FNBP1: variants seen among roughly 807,000 people sequenced by gnomAD.
FNBP1 encodes the protein formin binding protein 1.
FNBP1 carries 26 observed loss-of-function variants against 90.6 expected under a neutral mutation model. That is an observed-to-expected ratio of 0.29 (90% confidence interval 0.21 to 0.40). The LOEUF is 0.40. FNBP1 is among the 10% of genes least tolerant of loss of function. FNBP1 has a pLI of 1.00. For synonymous variants in FNBP1, 260 were observed against 265.2 expected (o/e 0.98, Z 0.19); for missense variants, 635 against 768.0 (o/e 0.83, Z 2.05).
At chr9:130,003,523 C>T (rs1385011962) in intron 1 of FNBP1, among the ~76,000 whole-genome samples, 1 of 151,990 alleles carries the variant, frequency 6.6e-6, no homozygotes, top group Admixed American at 6.6e-5. Flanking sequence ...AGGAGAATAA[C>T]TTCAACCTGG....
rs982649137 is a variant in FNBP1, at chr9:129,888,614, C to T, written c.*1925G>A. The T allele has an allele frequency of 1.6e-4, 37 of 232,800 alleles. No homozygotes were observed. In the Middle Eastern group the frequency reaches 6.3e-3, roughly 39 times the overall value. 14.4% of individuals were successfully genotyped at this position (232,800 alleles called of 1,614,324 possible). On this transcript the variant is annotated 3_prime_UTR_variant, in exon 17 of 17. Transcript: ENST00000446176. ...ACCCTGAGCGGTTTGCAGTCCCCCC[C>T]GGGGAAGAAGCAGTCAGAGAGGCTC...
chr9:130,007,239 C>A (rs1182708104), intron 1 of FNBP1, among the ~76,000 whole-genome samples: 449 of 77,004 alleles, frequency 5.8e-3, no homozygotes, highest in Middle Eastern at 9.8e-3. Flanking sequence ...GAGATCCTGT[C>A]AAAAAAAAAA....
chr9:129,965,788 GGGAGGGAGGGGGGAA>G (rs756681047), intron 4 of FNBP1, among the ~76,000 whole-genome samples: 6,786 of 134,624 alleles, frequency 0.05, 276 homozygotes, highest in Admixed American at 0.092. Flanking sequence ...GAGGGAAGGA[GGGAGGGAGGGGGGAA>G]GGAGGGAGGG....
At chr9:130,029,928 G>A (rs1270593109) in intron 1 of FNBP1, among the ~76,000 whole-genome samples, 1 of 152,050 alleles carries the variant, frequency 6.6e-6, no homozygotes, top group Admixed American at 6.6e-5. Context: ...AGGTTGCAGT[G>A]AGCCTTGATT....
At chr9:129,998,900 A>G (rs1202029831) in intron 1 of FNBP1, among the ~76,000 whole-genome samples, 1 of 152,194 alleles carries the variant, frequency 6.6e-6, no homozygotes, top group Admixed American at 6.5e-5. Flanking sequence ...CAGAGCCCAA[A>G]TAAGATAGAA....
chr9:129,887,521 C>T lies in FNBP1; in HGVS notation c.*3018G>A. 1 of 207,482 alleles carries T rather than the reference C, an allele frequency of 4.8e-6. No homozygotes were observed. The highest frequency in any genetic ancestry group is 2.3e-5 in the African/African-American group (1 of 43,946). The allele number at this position is 207,482 out of a possible 1,614,324, so 12.9% of individuals were successfully genotyped here. ...CTGGAAAAACACTTAGCATGAACGT[C>T]ACTTTTTGACGTCGTGTAAACTTTC... On this transcript the variant is annotated 3_prime_UTR_variant, in exon 17 of 17. Coordinates refer to ENST00000446176, the MANE Select transcript of FNBP1 (RefSeq NM_015033.3).
chr9:129,979,806 A>AT (rs538669083), intron 2 of FNBP1, among the ~76,000 whole-genome samples: 11 of 151,478 alleles, frequency 7.3e-5, no homozygotes, highest in South Asian at 6.3e-4. Context: ...CATCTGGCTA[A>AT]TTTTTTTTGT....
At position 129,984,453 on chromosome 9, in the gene FNBP1, C is replaced by G. The variant is rs865795459; in HGVS notation, c.141-5079G>C. Among the ~76,000 whole-genome samples, 29 of 152,230 alleles carry G rather than the reference C, an allele frequency of 1.9e-4. No individual in the cohort carries two copies. In the Middle Eastern group the frequency reaches 0.01, roughly 54 times the overall value. On this transcript the variant is annotated intron_variant, in intron 2 of 16. Transcript: ENST00000446176. ...GAAAATCAGCCCAGACAGAAGTAAA[C>G]TGGGAGGCAAGCGCTCAGGGAATAG... is the stretch of plus-strand genomic sequence containing the variant.
chr9:130,036,170 A>G (rs1464054597), intron 1 of FNBP1, among the ~76,000 whole-genome samples: 2 of 152,206 alleles, frequency 1.3e-5, no homozygotes, highest in Non-Finnish European at 2.9e-5. Context: ...TTAATTTCCC[A>G]GGGCATTCAT....
intron 6 of FNBP1, among the ~76,000 whole-genome samples, chr9:129,944,838 A>G (rs2044976487): frequency 6.6e-6 from 1 of 152,190 alleles, no homozygotes; most frequent in Non-Finnish European, 1.5e-5. Context: ...ACGTAATACA[A>G]AGATCAGGAA....
chr9:129,959,298 A>G (rs2047436490), intron 4 of FNBP1, among the ~76,000 whole-genome samples: 1 of 151,994 alleles, frequency 6.6e-6, no homozygotes, highest in Non-Finnish European at 1.5e-5. Flanking sequence ...CCCCATCTCA[A>G]AAAAATAAAA....
chr9:129,944,885 T>C (rs7870884), intron 6 of FNBP1, among the ~76,000 whole-genome samples: 121,981 of 152,154 alleles, frequency 0.8, 49,264 homozygotes, highest in East Asian at 0.9. Flanking sequence ...TTTACTATCA[T>C]TGAAAATTAA....
In FNBP1 at chr9:129,963,634, T is replaced by TAAA. The variant is rs35165248; in HGVS notation, c.346-5084_346-5082dup. On this transcript the variant is annotated intron_variant, in intron 4 of 16. Transcript: ENST00000446176. ...TTCCAGCCTTTTTTTTTTTTTTTTT[T>TAAA]AAAAAAACAAGTCTCTGTCACCCAT... 8.5e-3 allele frequency among the ~76,000 whole-genome samples: 914 copies of TAAA among 107,724 alleles called. 4 individuals are homozygous for TAAA. Among genetic ancestry groups the TAAA allele is most frequent in the South Asian group, 0.015 (47 of 3,108 alleles). 70.7% of individuals were successfully genotyped at this position (107,724 alleles called of 152,430 possible). A position where few individuals can be genotyped will look rare whatever the true frequency, so the allele number is the denominator to read the frequency against.
chr9:129,932,796 C>G (rs1361114961), intron 6 of FNBP1, among the ~76,000 whole-genome samples: 1 of 152,028 alleles, frequency 6.6e-6, no homozygotes, highest in Non-Finnish European at 1.5e-5. Flanking sequence ...GTTAAGTACC[C>G]AGCTACCCTC....
rs576255410 is a variant in FNBP1 at position 130,007,225 on chromosome 9, G to A, written c.25-12267C>T. On this transcript the variant is annotated intron_variant, in intron 1 of 16. Coordinates refer to ENST00000446176, the MANE Select transcript of FNBP1 (RefSeq NM_015033.3). ...CCACTGCATTCCAGCCTGGGCAACA[G>A]AGTGAGATCCTGTCAAAAAAAAAAA... is the stretch of plus-strand genomic sequence containing the variant. 4.4e-5 allele frequency among the ~76,000 whole-genome samples: 5 copies of A among 114,486 alleles called. No homozygotes were observed. The Admixed American group carries it at 5.8e-4, about 13-fold the overall frequency. The allele number at this position is 114,486 out of a possible 152,430, so 75.1% of individuals were successfully genotyped here. A position where few individuals can be genotyped will look rare whatever the true frequency, so the allele number is the denominator to read the frequency against.
At chr9:130,016,628 A>C (rs897183340) in intron 1 of FNBP1, among the ~76,000 whole-genome samples, 3 of 152,168 alleles carry the variant, frequency 2.0e-5, no homozygotes, top group African/African-American at 7.2e-5. Context: ...CTGTAATTAG[A>C]GCTACTCAGG....
At chr9:129,917,203 G>A (rs1218098383) in intron 10 of FNBP1, among the ~76,000 whole-genome samples, 3 of 151,116 alleles carry the variant, frequency 2.0e-5, no homozygotes, top group Non-Finnish European at 3.0e-5. Flanking sequence ...TAGTAGAGAC[G>A]GGGTTTCGCC....
chr9:129,917,507 AT>A (rs1245318164), intron 10 of FNBP1, among the ~76,000 whole-genome samples: 3 of 151,702 alleles, frequency 2.0e-5, no homozygotes, highest in African/African-American at 7.3e-5. Flanking sequence ...TAAGTTTTGT[AT>A]TTTTTGGTAG....
Position 129,958,760 on chromosome 9 carries a change from C to T in FNBP1, c.346-207G>A, listed in dbSNP as rs536478385. Among the ~76,000 whole-genome samples the T allele has an allele frequency of 1.7e-4, 26 of 151,614 alleles. No homozygotes were observed. The East Asian group carries it at 3.3e-3, about 19-fold the overall frequency. ...CCCTGGGAGGCTGAGGAAGAAGAAT[C>T]GCTTGAGCCAAGGAGTTCAAGACAG... On this transcript the variant is annotated intron_variant, in intron 4 of 16. Transcript: ENST00000446176.
Sources: allele counts gnomAD v4.1 joint callset (sites outside exome capture counted in the v4.1 genomes callset), GRCh38; gene constraint gnomAD v4.1.1; transcripts MANE v1.5; gene names NCBI Gene and HGNC (gene_info 2026-07-23, HGNC 2026-07-21).